The following PTPRQ variants were observed in gnomAD, a reference collection of about 807,000 sequenced individuals.
PTPRQ encodes the protein protein tyrosine phosphatase receptor type Q.
In PTPRQ, 199 loss-of-function variants were observed where a neutral mutation model predicts 246.0. The ratio of observed to expected loss-of-function variants is 0.81; its 90% CI spans 0.72 to 0.91. PTPRQ has a LOEUF of 0.91. PTPRQ is among the 40% of genes least tolerant of loss of function. PTPRQ has a pLI of 0.00. For synonymous variants in PTPRQ, 869 were observed against 853.2 expected (o/e 1.02, Z -0.32); for missense variants, 2,624 against 2,528.4 (o/e 1.04, Z -0.81).
At chr12:80,549,797 C>T (rs1004128243) in intron 25 of PTPRQ, 63 bp downstream of exon 25, 1 of 1,471,086 alleles carries the variant, frequency 6.8e-7, no homozygotes, top group Admixed American at 2.6e-5. Flanking sequence ...TGTGTCAATA[C>T]CACCTGCAAT....
chr12:80,560,138 G>A (rs1224450879), intron 25 of PTPRQ, among the ~76,000 whole-genome samples: 1 of 152,154 alleles, frequency 6.6e-6, no homozygotes, highest in Non-Finnish European at 1.5e-5. Flanking sequence ...ATGTGGCCTG[G>A]CCACATGCTT....
chr12:80,495,925 C>G, intron 12 of PTPRQ, 74 bp from the exon 13 acceptor site: 1 of 1,472,238 alleles, frequency 6.8e-7, no homozygotes. Flanking sequence ...TTCTTACTGG[C>G]CTTATATTAA....
chr12:80,675,066 A>G (rs770133403), intron 43 of PTPRQ, among the ~76,000 whole-genome samples: 2 of 152,142 alleles, frequency 1.3e-5, no homozygotes, highest in African/African-American at 4.8e-5. Flanking sequence ...ATGCATATAC[A>G]TTCCCTCATA....
intron 3 of PTPRQ, chr12:80,454,680 A>G (rs1020053206): frequency 3.5e-6 from 2 of 574,540 alleles, no homozygotes; most frequent in Middle Eastern, 3.7e-4. Context: ...TCATGAAGGG[A>G]TATTGGATTT....
At position 80,496,470 on chromosome 12, in the gene PTPRQ, C is replaced by T. The variant is rs1300987237; in HGVS notation, c.2211C>T (p.Tyr737=). The T allele has an allele frequency of 1.9e-6, 3 of 1,550,546 alleles. No individual in the cohort carries two copies. The highest frequency in any genetic ancestry group is 4.9e-5 in the East Asian group (2 of 40,870). The change falls in exon 14 of 45, where the codon TAC becomes TAT. Residue 737 remains tyrosine, a synonymous_variant. Coordinates refer to ENST00000644991, the MANE Select transcript of PTPRQ (RefSeq NM_001145026.2). ...TCTATAACATTTCTGTAAGGTCTTA[C>T]ACCAGATTTGGTCATGGCAATCAGG... ...HTLYNISVRS[Y]TRFGHGNQVS... is the part of the protein sequence containing the mutation.
At chr12:80,677,951 T>C (rs887046761) in intron 43 of PTPRQ, among the ~76,000 whole-genome samples, 1 of 152,138 alleles carries the variant, frequency 6.6e-6, no homozygotes, top group Non-Finnish European at 1.5e-5. Context: ...TGCTAGTAGG[T>C]TATTGAATTA....
At chr12:80,636,280 T>C (rs1008536663) in intron 35 of PTPRQ, among the ~76,000 whole-genome samples, 3 of 152,212 alleles carry the variant, frequency 2.0e-5, no homozygotes, top group Admixed American at 6.5e-5. Context: ...GACATAGTTT[T>C]CTATATAAGA....
intron 17 of PTPRQ, chr12:80,526,010 T>G (rs1333957286): frequency 6.6e-6 from 1 of 152,174 alleles, no homozygotes; most frequent in Non-Finnish European, 1.5e-5. Flanking sequence ...TAAACAATTT[T>G]TAAGAGATAG....
In PTPRQ at chr12:80,588,191, T is replaced by G. The variant is rs556001650; in HGVS notation, c.4348T>G (p.Trp1450Gly). The G allele has an allele frequency of 6.5e-7, 1 of 1,549,738 alleles. No individual in the cohort carries two copies. The highest frequency in any genetic ancestry group is 8.7e-7 in the Non-Finnish European group (1 of 1,146,008). ...TCAGTCAACTAGTGCAACATTGACA[T>G]GGATAAGACCTGACACTATCCTTGG... ...DVQSTSATLT[W>G]IRPDTILGYF... is the part of the protein sequence containing the mutation. Residue 1450 changes from tryptophan (W) to glycine (G), a missense_variant, in exon 26 of 45, where the codon TGG becomes GGG. Coordinates refer to ENST00000644991, the MANE Select transcript of PTPRQ (RefSeq NM_001145026.2).
intron 33 of PTPRQ, 35 bp downstream of exon 33, chr12:80,622,169 C>T (rs1338250660): frequency 2.3e-6 from 3 of 1,326,592 alleles, no homozygotes; most frequent in African/African-American, 1.6e-5. Flanking sequence ...ATAATCTCAA[C>T]ATATTTATCA....
At chr12:80,669,501 A>G (rs1463442412) in intron 41 of PTPRQ, 37 bp downstream of exon 41, 2 of 1,523,226 alleles carry the variant, frequency 1.3e-6, no homozygotes, top group African/African-American at 1.4e-5. Context: ...AACATGATAT[A>G]AAATATGATT....
At chr12:80,562,361 C>G (rs1896851828) in intron 25 of PTPRQ, among the ~76,000 whole-genome samples, 1 of 152,060 alleles carries the variant, frequency 6.6e-6, no homozygotes, top group South Asian at 2.1e-4. Context: ...ATTCATTTAT[C>G]TTTAAACAAT....
chr12:80,666,161 A>G (rs1019358070), intron 39 of PTPRQ, among the ~76,000 whole-genome samples: 3 of 152,072 alleles, frequency 2.0e-5, no homozygotes, highest in Non-Finnish European at 2.9e-5. Context: ...ATAAAGAATC[A>G]GCCTAAGTAT....
intron 8 of PTPRQ, among the ~76,000 whole-genome samples, chr12:80,483,497 G>T (rs1894152611): frequency 6.6e-6 from 1 of 151,230 alleles, no homozygotes; most frequent in South Asian, 2.1e-4. Context: ...TGCACAATGT[G>T]CACATGTACC....
chr12:80,560,958 T>A (rs559272258), intron 25 of PTPRQ: 2 of 154,248 alleles, frequency 1.3e-5, no homozygotes, highest in South Asian at 4.1e-4. Context: ...GCAAAAAGTG[T>A]ACTGCAGCTA....
chr12:80,660,884 T>C (rs186206485), intron 39 of PTPRQ, among the ~76,000 whole-genome samples: 1 of 152,160 alleles, frequency 6.6e-6, no homozygotes, highest in Admixed American at 6.6e-5. Flanking sequence ...ATATTTAGCA[T>C]AGCCTTTGTC....
intron 36 of PTPRQ, 80 bp downstream of exon 36, chr12:80,649,003 A>T (rs1450582024): frequency 1.5e-6 from 2 of 1,334,440 alleles, no homozygotes; most frequent in African/African-American, 1.5e-5. Context: ...TTAATGTGTG[A>T]TTCACTTTTT....
intron 34 of PTPRQ, chr12:80,634,676 C>T (rs1238582764): frequency 1.6e-5 from 5 of 320,194 alleles, no homozygotes; most frequent in Non-Finnish European, 2.8e-5. Flanking sequence ...TTTAAATGTA[C>T]CAATGGCTCA....
At chr12:80,511,030 T>C (rs1333625906) in intron 17 of PTPRQ, among the ~76,000 whole-genome samples, 1 of 152,170 alleles carries the variant, frequency 6.6e-6, no homozygotes, top group Admixed American at 6.5e-5. Context: ...ATCTTTACTT[T>C]GATGTAATGT....
Sources: allele counts gnomAD v4.1 joint callset (sites outside exome capture counted in the v4.1 genomes callset), GRCh38; gene constraint gnomAD v4.1.1; transcripts MANE v1.5; gene names NCBI Gene and HGNC (gene_info 2026-07-23, HGNC 2026-07-21).